The following FRMD1 variants were observed in gnomAD, a reference collection of about 807,000 sequenced individuals.
FRMD1 encodes FERM domain-containing protein 1.
In FRMD1, 51 loss-of-function variants were observed where a neutral mutation model predicts 54.9. That is an observed-to-expected ratio of 0.93 (90% CI 0.74 to 1.17). FRMD1 has a LOEUF of 1.17. Among genes scored for constraint, FRMD1 ranks in the 50% most tolerant of loss-of-function variants. FRMD1 has a pLI of 0.00. For synonymous variants in FRMD1, 324 were observed against 306.4 expected, an observed-to-expected ratio of 1.06 and a Z score of -0.60; for missense variants, 729 against 743.0, an observed-to-expected ratio of 0.98 and a Z score of 0.22.
chr6:168,091,896 G>GGT (rs57133186), intron 1 of FRMD1, among the ~76,000 whole-genome samples: 67,631 of 151,970 alleles, frequency 0.45, 15,934 homozygotes, highest in African/African-American at 0.58. Context: ...CTCCGGATCA[G>GGT]GTGTCACTAG....
At position 168,066,248 on chromosome 6, in the gene FRMD1, C is replaced by T. The variant is rs186677533; in HGVS notation, c.461+507G>A. 4.1e-5 allele frequency: 40 copies of T among 986,966 alleles called. 1 individual carries two copies. The African/African-American group carries it at 7.0e-4, about 17-fold the overall frequency. 61.1% of individuals were successfully genotyped at this position (986,966 alleles called of 1,614,324 possible). On this transcript the variant is annotated intron_variant, in intron 4 of 10. Coordinates refer to ENST00000283309, the MANE Select transcript of FRMD1 (RefSeq NM_024919.6). ...GCACGGTGGCTCACACCTGTAATCC[C>T]AGCACTTTGGGAGGTCGAGGCGGGT...
Position 168,066,830 on chromosome 6 carries a change from C to A in FRMD1, c.386G>T (p.Gly129Val), listed in dbSNP as rs776892866. 6.2e-7 allele frequency: 1 copy of A among 1,611,830 alleles called. No individual in the cohort carries two copies. Among genetic ancestry groups the A allele is most frequent in the Non-Finnish European group, 8.5e-7 (1 of 1,179,566 alleles). The change falls in exon 4 of 11, where the codon GGA (glycine) becomes GTA (valine). Residue 129 changes from glycine (G) to valine (V), a missense_variant and splice_region_variant. By Grantham distance (109) the Gly-to-Val change is moderately radical (BLOSUM62 -3). Transcript: ENST00000283309. ...SKDWKKERNE[G>V]NEKPRAPFVA... Reference sequence around the variant, plus strand: ...GAAGGGGGCTCTGGGTTTCTCATTTCCCTAGTGGGGAAAATGCAAGAAAGA... The same window carrying A: ...GAAGGGGGCTCTGGGTTTCTCATTTACCTAGTGGGGAAAATGCAAGAAAGA...
chr6:168,085,894 C>T (rs1462260800), upstream of FRMD1, among the ~76,000 whole-genome samples: 1 of 152,212 alleles, frequency 6.6e-6, no homozygotes, highest in Non-Finnish European at 1.5e-5. Context: ...GGTCCCTCGG[C>T]ACACCGCAGA....
intron 1 of FRMD1, among the ~76,000 whole-genome samples, chr6:168,091,420 A>G (rs147820510): frequency 0.018 from 2,680 of 152,274 alleles, 81 homozygotes; most frequent in African/African-American, 0.061. Flanking sequence ...CCAGGCCCCC[A>G]GCAGAGTCCT....
intron 1 of FRMD1, among the ~76,000 whole-genome samples, chr6:168,086,727 C>T (rs1458091484): frequency 4.6e-5 from 7 of 152,260 alleles, no homozygotes; most frequent in African/African-American, 9.6e-5. Flanking sequence ...TCACCCCCCT[C>T]GGCATCCCCA....
chr6:168,060,817 G>C lies in FRMD1; in HGVS notation c.1286C>G (p.Pro429Arg). ...GCGGCTGGTCCTGGGGCTGGAGGAC[G>C]GCTCCTTCTCATGGAGCCCGTGGAC... ...LEVHGLHEKE[P>R]SSSPRTSRSH... The change falls in exon 9 of 11, where the codon CCG becomes CGG. Residue 429 changes from proline (P) to arginine (R), a missense_variant. Pro to Arg is a moderately radical substitution (Grantham distance 103). Transcript: ENST00000283309. 1 of 1,613,204 alleles carries C rather than the reference G, an allele frequency of 6.2e-7. No homozygotes were observed. Among genetic ancestry groups the C allele is most frequent in the Non-Finnish European group, 8.5e-7 (1 of 1,179,770 alleles).
chr6:168,062,994 C>T, intron 6 of FRMD1, 35 bp from the exon 7 acceptor site: 1 of 1,572,372 alleles, frequency 6.4e-7, no homozygotes, highest in Non-Finnish European at 8.8e-7. Context: ...AGTTGCAGGC[C>T]TGGAGGTGCT....
At position 168,059,110 on chromosome 6, in the gene FRMD1, G is replaced by A. The variant is rs1465182; in HGVS notation, c.1407+14C>T. On this transcript the variant is annotated intron_variant, in intron 10 of 10. Coordinates refer to ENST00000283309, the MANE Select transcript of FRMD1 (RefSeq NM_024919.6). The surrounding 1 kb of genome is among the most constrained non-coding windows in gnomAD (Gnocchi z 4.4). Reference sequence around the variant, plus strand: ...AGCAGGGCCAGGGCTTCTGGCCCGTGGGGGGGACTCTACCTGGTGCACGGC... The same window carrying A: ...AGCAGGGCCAGGGCTTCTGGCCCGTAGGGGGGACTCTACCTGGTGCACGGC... 2.1e-5 allele frequency: 32 copies of A among 1,555,872 alleles called. No individual in the cohort carries two copies. The highest frequency in any genetic ancestry group is 2.3e-5 in the Non-Finnish European group (27 of 1,153,078).
Position 168,066,749 on chromosome 6 carries a change from C to T in FRMD1, c.461+6G>A, listed in dbSNP as rs117499566. On this transcript the variant is annotated splice_donor_region_variant and intron_variant, in intron 4 of 10. Coordinates refer to ENST00000283309, the MANE Select transcript of FRMD1 (RefSeq NM_024919.6). ...GAAACACCCCTTACAGTCCGCATGCCGTTACCTTATGACCCTTCCGTTTTC... is the reference window on the plus strand; with the variant it reads ...GAAACACCCCTTACAGTCCGCATGCTGTTACCTTATGACCCTTCCGTTTTC... 5.9e-3 allele frequency: 9,469 copies of T among 1,611,922 alleles called. 38 individuals carry two copies. Among genetic ancestry groups the T allele is most frequent in the Non-Finnish European group, 6.5e-3 (7,699 of 1,179,314 alleles).
chr6:168,089,043 G>A (rs1800971319), intron 1 of FRMD1, among the ~76,000 whole-genome samples: 1 of 152,246 alleles, frequency 6.6e-6, no homozygotes. Context: ...GGTACAATTT[G>A]GGAAATAAAA....
chr6:168,066,872 G>C (rs1800057829), intron 3 of FRMD1, 41 bp from the exon 4 acceptor site: 1 of 1,605,396 alleles, frequency 6.2e-7, no homozygotes, highest in Admixed American at 1.7e-5. Context: ...GAGCCGCAGG[G>C]AGGTGCCGCT....
intron 2 of FRMD1, among the ~76,000 whole-genome samples, chr6:168,073,988 GC>G (rs1356239886): frequency 6.6e-6 from 1 of 152,048 alleles, no homozygotes; most frequent in Non-Finnish European, 1.5e-5. Flanking sequence ...ATCTGTCCAT[GC>G]CCCATGTAGC....
Position 168,060,778 on chromosome 6 carries a change from G to A in FRMD1, c.1325C>T (p.Thr442Ile), listed in dbSNP as rs764344924. The A allele has an allele frequency of 2.5e-6, 4 of 1,611,150 alleles. No homozygotes were observed. Among genetic ancestry groups the A allele is most frequent in the Admixed American group, 3.3e-5 (2 of 59,996 alleles). ...GGGCCCACCTTGGCTGTCACCACGT[G>A]TGCTGGGGTGGCTGCGGCTGGTCCT... Reference protein sequence around the residue: ...SPRTSRSHPSTRGDSQATRQE... With the variant: ...SPRTSRSHPSIRGDSQATRQE... Residue 442 changes from threonine (T) to isoleucine (I), a missense_variant, in exon 9 of 11, where the codon ACA becomes ATA. Physicochemically the swap from Thr to Ile is moderately conservative, Grantham distance 89 (BLOSUM62 -1). Coordinates refer to ENST00000283309, the MANE Select transcript of FRMD1 (RefSeq NM_024919.6).
intron 6 of FRMD1, 121 bp downstream of exon 6, chr6:168,063,478 CTT>C (rs1799865572): frequency 8.2e-7 from 1 of 1,215,592 alleles, no homozygotes; most frequent in Non-Finnish European, 1.1e-6. Flanking sequence ...TGGTCCCACT[CTT>C]AGCCATGGGG....
intron 1 of FRMD1, 125 bp downstream of exon 1, chr6:168,078,757 A>T (rs1214473519): frequency 6.2e-6 from 6 of 967,884 alleles, no homozygotes; most frequent in East Asian, 8.9e-5. Context: ...TTTACTCCCA[A>T]GGCCATCCAG....
intron 7 of FRMD1, chr6:168,062,649 C>T (rs547895527): frequency 4.2e-5 from 65 of 1,549,000 alleles, no homozygotes; most frequent in Non-Finnish European, 4.5e-5. Flanking sequence ...TTCCAGGGCA[C>T]GGGGACCCCC....
chr6:168,078,818 ACCCGGAGCC>A, intron 1 of FRMD1, 55 bp downstream of exon 1: 1 of 897,976 alleles, frequency 1.1e-6, no homozygotes, highest in Non-Finnish European at 1.4e-6. Flanking sequence ...CCCCACGGCC[ACCCGGAGCC>A]CTGCTCACCC....
chr6:168,081,677 C>T, upstream of FRMD1: 1 of 603,890 alleles, frequency 1.7e-6, no homozygotes, highest in Non-Finnish European at 2.7e-6. Context: ...AGAACTGACA[C>T]AGGCACAGGA....
intron 8 of FRMD1, 82 bp from the exon 9 acceptor site, chr6:168,061,139 G>A: frequency 7.3e-7 from 1 of 1,373,098 alleles, no homozygotes; most frequent in Non-Finnish European, 9.9e-7. Context: ...CCGGGAGACA[G>A]AAATGCACAC....
Sources: gnomAD v4.1 joint callset for allele counts (sites outside exome capture counted in the v4.1 genomes callset) on GRCh38, gnomAD v4.1.1 for gene constraint, Gnocchi (gnomAD v3.1) non-coding constraint, MANE v1.5 for transcripts, NCBI Gene and HGNC (gene_info 2026-07-23, HGNC 2026-07-21) for gene names.